KSR2: variants seen among roughly 807,000 people sequenced by gnomAD.
The protein encoded by KSR2 is kinase suppressor of ras 2.
KSR2 carries 25 observed loss-of-function variants against 107.8 expected under a neutral mutation model. The observed-to-expected ratio is 0.23, with a 90% confidence interval of 0.17 to 0.32. The LOEUF (loss-of-function observed/expected upper bound fraction) is 0.32. Ranked by LOEUF, KSR2 falls within the 10% of genes least tolerant of loss-of-function variation. The pLI, the probability that KSR2 is intolerant of heterozygous loss-of-function variation, is 1.00. For missense variants in KSR2, 887 were observed against 1,268.9 expected, an observed-to-expected ratio of 0.70 and a Z score of 4.57; for synonymous variants, 480 against 507.0, an observed-to-expected ratio of 0.95 and a Z score of 0.71.
At chr12:117,471,914 C>T (rs1352219922) in intron 17 of KSR2, among the ~76,000 whole-genome samples, 2 of 151,744 alleles carry the variant, frequency 1.3e-5, no homozygotes, top group African/African-American at 4.8e-5. Context: ...TAAAGTAAAG[C>T]ATAGCAAAAT....
intron 14 of KSR2, among the ~76,000 whole-genome samples, chr12:117,495,634 C>T (rs1383099152): frequency 6.6e-6 from 1 of 152,212 alleles, no homozygotes; most frequent in African/African-American, 2.4e-5. Context: ...AATGCAGGCC[C>T]TCCCTCCCCT....
chr12:117,896,475 T>TG (rs1181502076), intron 1 of KSR2, among the ~76,000 whole-genome samples: 1 of 151,802 alleles, frequency 6.6e-6, no homozygotes, highest in African/African-American at 2.4e-5. Context: ...TTTTTTTTTT[T>TG]TGAGACGGAG....
Position 117,864,358 on chromosome 12 carries a change from G to C in KSR2, c.181-3927C>G, listed in dbSNP as rs546154606. Among the ~76,000 whole-genome samples the C allele has an allele frequency of 1.6e-4, 24 of 152,220 alleles. No homozygotes were observed. The South Asian group carries it at 4.6e-3, about 29-fold the overall frequency. On this transcript the variant is annotated intron_variant, in intron 1 of 19. Transcript: ENST00000339824. ...AAGCTAGACTAAATCCTGTGGTATT[G>C]GTTTGGGAAGAGTTACCCCATACAT...
intron 5 of KSR2, among the ~76,000 whole-genome samples, chr12:117,608,245 C>T (rs756476086): frequency 1.3e-5 from 2 of 152,202 alleles, no homozygotes; most frequent in Non-Finnish European, 2.9e-5. Context: ...GCCTAGCCCA[C>T]GGGTTCCTTG....
intron 3 of KSR2, among the ~76,000 whole-genome samples, chr12:117,820,478 T>C (rs1473434632): frequency 6.6e-6 from 1 of 152,236 alleles, no homozygotes; most frequent in African/African-American, 2.4e-5. Flanking sequence ...TGTTTAAGCA[T>C]GTAATAAATA....
chr12:117,828,734 A>G (rs1891847605), intron 3 of KSR2, among the ~76,000 whole-genome samples: 1 of 152,206 alleles, frequency 6.6e-6, no homozygotes, highest in Admixed American at 6.5e-5. Flanking sequence ...GAAGGCATCC[A>G]GTATCCATAC....
intron 4 of KSR2, among the ~76,000 whole-genome samples, chr12:117,749,243 G>A (rs765368690): frequency 1.3e-5 from 2 of 151,170 alleles, no homozygotes; most frequent in Non-Finnish European, 2.9e-5. Context: ...CCTAAGTACA[G>A]CTAGGGAGTA....
At chr12:117,671,089 CTT>C (rs1002922819) in intron 4 of KSR2, among the ~76,000 whole-genome samples, 4 of 152,198 alleles carry the variant, frequency 2.6e-5, no homozygotes, top group African/African-American at 9.6e-5. Context: ...CCTTCTCACT[CTT>C]TGTATATGCT....
At chr12:117,703,152 G>A (rs1273197237) in intron 4 of KSR2, among the ~76,000 whole-genome samples, 1 of 152,162 alleles carries the variant, frequency 6.6e-6, no homozygotes, top group Non-Finnish European at 1.5e-5. Context: ...AGATGGCTCT[G>A]GAGTCAGGCC....
chr12:117,517,817 A>G (rs1244388899), intron 14 of KSR2: 1 of 455,686 alleles, frequency 2.2e-6, no homozygotes, highest in Non-Finnish European at 4.4e-6. Flanking sequence ...AGGCCCCCCA[A>G]CTCCTGTACG....
chr12:117,535,795 A>G (rs1447343446), intron 10 of KSR2, among the ~76,000 whole-genome samples: 2 of 151,942 alleles, frequency 1.3e-5, no homozygotes, highest in Admixed American at 6.6e-5. Flanking sequence ...TGCTACCACA[A>G]CTCTGCTCAT....
chr12:117,907,518 T>C lies in KSR2; in HGVS notation c.181-47087A>G, dbSNP rs551913888. 4.6e-5 allele frequency among the ~76,000 whole-genome samples: 7 copies of C among 152,280 alleles called. No individual in the cohort carries two copies. In the East Asian group the frequency reaches 1.4e-3, roughly 29 times the overall value. On this transcript the variant is annotated intron_variant, in intron 1 of 19. Transcript: ENST00000339824. The surrounding 1 kb of genome is among the most constrained non-coding windows in gnomAD (Gnocchi z 4.3). ...CCGCTAACTAATCTACGGGGCTGGATTGACGTCAGCCACAGTGGAAACTGC... is the reference window on the plus strand; with the variant it reads ...CCGCTAACTAATCTACGGGGCTGGACTGACGTCAGCCACAGTGGAAACTGC...
chr12:117,740,324 T>C (rs1272729344), intron 4 of KSR2, among the ~76,000 whole-genome samples: 2 of 131,176 alleles, frequency 1.5e-5, no homozygotes, highest in African/African-American at 2.6e-5. Context: ...TACACATATA[T>C]ACATTATATA....
chr12:117,739,126 T>C (rs541441907), intron 4 of KSR2, among the ~76,000 whole-genome samples: 4 of 152,248 alleles, frequency 2.6e-5, no homozygotes, highest in South Asian at 4.1e-4. Flanking sequence ...GAGGCCAAGG[T>C]GGGCAGATCA....
In KSR2 at chr12:117,463,731, TCTA is replaced by T. The variant is rs1361001949; in HGVS notation, c.*3465_*3467del. 2.0e-5 allele frequency: 3 copies of T among 152,330 alleles called. No homozygotes were observed. The highest frequency in any genetic ancestry group is 4.4e-5 in the Non-Finnish European group (3 of 68,044). The allele number at this position is 152,330 out of a possible 1,614,324, so 9.4% of individuals were successfully genotyped here. ...GATAATGATTGGCCTGAGCTCCGTG[TCTA>T]CTACTTCCTCCGTGTACCTTTGATG... On this transcript the variant is annotated 3_prime_UTR_variant, in exon 20 of 20. Coordinates refer to ENST00000339824, the MANE Select transcript of KSR2 (RefSeq NM_173598.6).
chr12:117,847,428 G>A (rs1892743224), intron 3 of KSR2, among the ~76,000 whole-genome samples: 1 of 152,180 alleles, frequency 6.6e-6, no homozygotes, highest in African/African-American at 2.4e-5. Context: ...GAAGCCAGAG[G>A]AGGGCCCAGG....
chr12:117,700,680 C>T lies in KSR2; in HGVS notation c.987-33022G>A, dbSNP rs74449604. 1.3e-3 allele frequency among the ~76,000 whole-genome samples: 202 copies of T among 152,292 alleles called. 1 individual carries two copies. The highest frequency in any genetic ancestry group is 4.3e-3 in the African/African-American group (179 of 41,550). On this transcript the variant is annotated intron_variant, in intron 4 of 19. Coordinates refer to ENST00000339824, the MANE Select transcript of KSR2 (RefSeq NM_173598.6). ...CTGTATGTGCTTAACTTGGTGAAGA[C>T]GCTATTAACCGCAGTAAAGAAAACA...
At chr12:117,967,317 G>C (rs1896828118) in intron 1 of KSR2, among the ~76,000 whole-genome samples, 1 of 151,954 alleles carries the variant, frequency 6.6e-6, no homozygotes, top group South Asian at 2.1e-4. Flanking sequence ...CCTCCTCCCC[G>C]ACCCCTTTCC....
At chr12:117,661,059 T>A (rs1216271626) in intron 5 of KSR2, among the ~76,000 whole-genome samples, 1 of 152,208 alleles carries the variant, frequency 6.6e-6, no homozygotes, top group Non-Finnish European at 1.5e-5. Flanking sequence ...CGCCACTTAA[T>A]GTAGGCATCC....
Sources: allele counts gnomAD v4.1 joint callset (sites outside exome capture counted in the v4.1 genomes callset), GRCh38; gene constraint gnomAD v4.1.1; non-coding constraint Gnocchi (gnomAD v3.1); transcripts MANE v1.5; gene names NCBI Gene and HGNC (gene_info 2026-07-23, HGNC 2026-07-21).